VSTM2B: variants seen among roughly 807,000 people sequenced by gnomAD.
The protein encoded by VSTM2B is V-set and transmembrane domain-containing protein 2B.
VSTM2B carries 24 observed loss-of-function variants against 24.0 expected under a neutral mutation model. The ratio of observed to expected loss-of-function variants is 1.00; its 90% confidence interval spans 0.72 to 1.40. The LOEUF (loss-of-function observed/expected upper bound fraction) is 1.40, where lower values mean the gene tolerates loss of function less well. VSTM2B is among the 40% of genes most tolerant of loss of function. The pLI, the probability that VSTM2B is intolerant of heterozygous loss-of-function variation, is 0.00. For missense variants in VSTM2B, 399 were observed against 416.4 expected, an observed-to-expected ratio of 0.96 and a Z score of 0.36; for synonymous variants, 226 against 194.4, an observed-to-expected ratio of 1.16 and a Z score of -1.35.
intron 4 of VSTM2B, among the ~76,000 whole-genome samples, chr19:29,539,540 G>C (rs1248915976): frequency 6.6e-6 from 1 of 152,172 alleles, no homozygotes; most frequent in Non-Finnish European, 1.5e-5. Context: ...GAGTGAGAGA[G>C]AGAGTGAGAG....
At chr19:29,552,982 C>T (rs185743028) in intron 4 of VSTM2B, among the ~76,000 whole-genome samples, 44 of 152,270 alleles carry the variant, frequency 2.9e-4, no homozygotes, top group Admixed American at 1.6e-3. Context: ...CTGAGCCCCT[C>T]AGGGGAGGGG....
At chr19:29,535,582 T>C (rs942094881) in intron 4 of VSTM2B, among the ~76,000 whole-genome samples, 3 of 152,090 alleles carry the variant, frequency 2.0e-5, no homozygotes, top group Non-Finnish European at 4.4e-5. Context: ...ATGATGGCTG[T>C]AGAGAGGCTG....
chr19:29,525,928 G>A (rs868175833), upstream of VSTM2B, among the ~76,000 whole-genome samples: 891 of 151,028 alleles, frequency 5.9e-3, 7 homozygotes, highest in African/African-American at 0.021. Context: ...GCGATGCAGC[G>A]GTGGAGGCGG....
At chr19:29,546,928 A>T (rs1970171103) in intron 4 of VSTM2B, among the ~76,000 whole-genome samples, 1 of 152,196 alleles carries the variant, frequency 6.6e-6, no homozygotes, top group Non-Finnish European at 1.5e-5. Flanking sequence ...CTTCCCTTGC[A>T]AGTAGCCAGG....
intron 4 of VSTM2B, among the ~76,000 whole-genome samples, chr19:29,546,843 T>C (rs1348294559): frequency 6.6e-6 from 1 of 152,116 alleles, no homozygotes; most frequent in African/African-American, 2.4e-5. Flanking sequence ...GGAGAGGAGG[T>C]GGCGGCAAAG....
At chr19:29,545,208 G>A (rs1333129588) in intron 4 of VSTM2B, among the ~76,000 whole-genome samples, 1 of 152,138 alleles carries the variant, frequency 6.6e-6, no homozygotes, top group Non-Finnish European at 1.5e-5. Context: ...CTGGGAGGCA[G>A]GCAGGGGTGC....
At chr19:29,543,520 G>A (rs1349216072) in intron 4 of VSTM2B, among the ~76,000 whole-genome samples, 2 of 152,238 alleles carry the variant, frequency 1.3e-5, no homozygotes, top group Non-Finnish European at 2.9e-5. Flanking sequence ...CTGGCTGGAG[G>A]GACCTACAGC....
At chr19:29,530,664 G>A (rs1368271415) in intron 4 of VSTM2B, among the ~76,000 whole-genome samples, 1 of 152,120 alleles carries the variant, frequency 6.6e-6, no homozygotes, top group Non-Finnish European at 1.5e-5. Flanking sequence ...CACCGGTGGT[G>A]GAAATGAGCT....
chr19:29,545,353 C>T (rs2145491646), intron 4 of VSTM2B, among the ~76,000 whole-genome samples: 1 of 152,308 alleles, frequency 6.6e-6, no homozygotes, highest in Middle Eastern at 3.4e-3. Flanking sequence ...TGGCTCACAC[C>T]TGCAATCCCA....
chr19:29,553,318 G>A (rs1970328723), intron 4 of VSTM2B, among the ~76,000 whole-genome samples: 1 of 152,114 alleles, frequency 6.6e-6, no homozygotes, highest in South Asian at 2.1e-4. Flanking sequence ...CAGTGAATAG[G>A]GTCTGGAGTG....
intron 4 of VSTM2B, among the ~76,000 whole-genome samples, chr19:29,539,504 C>G (rs1344928773): frequency 6.6e-6 from 1 of 152,124 alleles, no homozygotes; most frequent in African/African-American, 2.4e-5. Context: ...CCCGAAGTCC[C>G]CATCACTGGG....
Position 29,563,862 on chromosome 19 carries a change from C to T in VSTM2B, c.786C>T (p.Tyr262=), listed in dbSNP as rs1970588201. 3.9e-6 allele frequency: 6 copies of T among 1,552,194 alleles called. No homozygotes were observed. The highest frequency in any genetic ancestry group is 3.6e-5 in the South Asian group (3 of 84,058). ...QRHGSGTGRS[Y]TTDPLLSLLL... ...CCCCTGCAGGCACCGGCCGTAGCTA[C>T]ACCACAGACCCACTCTTGTCCCTGC... The change falls in exon 5 of 5, where the codon TAC becomes TAT. Residue 262 remains tyrosine (Y), a synonymous_variant. Transcript: ENST00000335523.
intron 4 of VSTM2B, among the ~76,000 whole-genome samples, chr19:29,558,247 T>C (rs1490163051): frequency 1.3e-5 from 2 of 152,166 alleles, no homozygotes; most frequent in African/African-American, 4.8e-5. Flanking sequence ...TAGAAGTGTT[T>C]TTACAGTGTT....
rs931515546 is a variant in VSTM2B at position 29,552,286 on chromosome 19, G to T, written c.770-11560G>T. ...ATGTCTGATGAATCAGGTAGTAAAAGGTTGCAAATCCTAGGTCCTTCTTTT... is the reference window on the plus strand; with the variant it reads ...ATGTCTGATGAATCAGGTAGTAAAATGTTGCAAATCCTAGGTCCTTCTTTT... On this transcript the variant is annotated intron_variant, in intron 4 of 4. Coordinates refer to ENST00000335523, the MANE Select transcript of VSTM2B (RefSeq NM_001146339.2). Among the ~76,000 whole-genome samples, 17 of 152,186 alleles carry T rather than the reference G, an allele frequency of 1.1e-4. 1 individual carries two copies. Among genetic ancestry groups the T allele is most frequent in the Admixed American group, 3.3e-4 (5 of 15,292 alleles).
At chr19:29,535,903 T>C (rs1969878086) in intron 4 of VSTM2B, among the ~76,000 whole-genome samples, 1 of 152,160 alleles carries the variant, frequency 6.6e-6, no homozygotes, top group African/African-American at 2.4e-5. Context: ...CAATCCACTC[T>C]TCCCCCAAGT....
At chr19:29,531,190 G>T (rs917207448) in intron 4 of VSTM2B, among the ~76,000 whole-genome samples, 7 of 152,076 alleles carry the variant, frequency 4.6e-5, no homozygotes, top group African/African-American at 1.7e-4. Flanking sequence ...CTCTCCCCCT[G>T]CTCCAAGCTG....
intron 3 of VSTM2B, chr19:29,528,793 C>T (rs920359110): frequency 1.6e-6 from 1 of 613,148 alleles, no homozygotes; most frequent in Non-Finnish European, 2.0e-6. Flanking sequence ...TTCCTCCTAG[C>T]ACCGGGAGCG....
intron 4 of VSTM2B, among the ~76,000 whole-genome samples, chr19:29,560,902 A>T (rs1255425750): frequency 2.0e-5 from 3 of 152,202 alleles, no homozygotes; most frequent in Admixed American, 1.3e-4. Context: ...CTGCCGCTGC[A>T]TACCCTGAGG....
intron 4 of VSTM2B, among the ~76,000 whole-genome samples, chr19:29,552,936 C>T (rs1460566473): frequency 6.6e-6 from 1 of 152,160 alleles, no homozygotes; most frequent in African/African-American, 2.4e-5. Flanking sequence ...CAACTACAGC[C>T]AGGCGTATAG....
Sources: gnomAD v4.1 joint callset for allele counts (sites outside exome capture counted in the v4.1 genomes callset) on GRCh38, gnomAD v4.1.1 for gene constraint, MANE v1.5 for transcripts, NCBI Gene and HGNC (gene_info 2026-07-23, HGNC 2026-07-21) for gene names.